The following CPNE8 variants were observed in gnomAD, a reference collection of about 807,000 sequenced individuals.
CPNE8 encodes the protein copine 8.
A neutral mutation model predicts 81.5 loss-of-function variants in CPNE8; 45 were observed. The observed-to-expected ratio is 0.55, with a 90% CI of 0.44 to 0.71. The LOEUF (loss-of-function observed/expected upper bound fraction) is 0.71. CPNE8 is among the 30% of genes least tolerant of loss of function. The probability of loss-of-function intolerance (pLI) is 0.00; values close to 1 mark genes in which losing one functional copy is unlikely to be tolerated. For missense variants in CPNE8, 594 were observed against 672.1 expected (o/e 0.88, Z 1.28); for synonymous variants, 252 against 226.3 (o/e 1.11, Z -1.02).
intron 13 of CPNE8, among the ~76,000 whole-genome samples, chr12:38,719,796 T>C (rs1233226378): frequency 6.6e-6 from 1 of 152,164 alleles, no homozygotes; most frequent in Non-Finnish European, 1.5e-5. Context: ...AATGTATAAC[T>C]GTAATATATT....
chr12:38,768,760 C>T (rs528024159), intron 7 of CPNE8, among the ~76,000 whole-genome samples: 2 of 152,140 alleles, frequency 1.3e-5, no homozygotes, highest in East Asian at 1.9e-4. Context: ...ATCTCCTGAC[C>T]TCGTGATCCG....
chr12:38,783,996 A>G (rs1436632588), intron 6 of CPNE8, among the ~76,000 whole-genome samples: 1 of 152,214 alleles, frequency 6.6e-6, no homozygotes, highest in Non-Finnish European at 1.5e-5. Context: ...CCATTAGGAA[A>G]ACATGACCTT....
chr12:38,858,018 G>C (rs1943772538), intron 3 of CPNE8, among the ~76,000 whole-genome samples: 1 of 152,198 alleles, frequency 6.6e-6, no homozygotes, highest in Non-Finnish European at 1.5e-5. Flanking sequence ...TTCTCTCTCT[G>C]AAATGTATAT....
intron 16 of CPNE8, among the ~76,000 whole-genome samples, chr12:38,681,809 T>C (rs1939414695): frequency 6.6e-6 from 1 of 152,254 alleles, no homozygotes; most frequent in Admixed American, 6.5e-5. Context: ...TTTATCTATG[T>C]CCATGTCTAT....
chr12:38,708,376 TA>T (rs138659020), intron 13 of CPNE8, among the ~76,000 whole-genome samples: 6 of 150,098 alleles, frequency 4.0e-5, no homozygotes, highest in African/African-American at 7.3e-5. Flanking sequence ...CGTGTCAAAG[TA>T]AAAAAAAAAT....
intron 6 of CPNE8, among the ~76,000 whole-genome samples, chr12:38,782,218 C>A (rs189777766): frequency 8.3e-4 from 126 of 152,132 alleles, no homozygotes; most frequent in Non-Finnish European, 1.3e-3. Flanking sequence ...TTCTAAAATA[C>A]AAAGTTTATT....
At chr12:38,730,462 T>C in intron 10 of CPNE8, 104 bp from the exon 11 acceptor site, 1 of 553,582 alleles carries the variant, frequency 1.8e-6, no homozygotes, top group Non-Finnish European at 3.2e-6. Context: ...AAATGCTTGA[T>C]ATTATTATGA....
At chr12:38,672,242 T>C (rs1939190911) in intron 18 of CPNE8, among the ~76,000 whole-genome samples, 1 of 152,186 alleles carries the variant, frequency 6.6e-6, no homozygotes. Flanking sequence ...TCTTCTACAA[T>C]CCCCATTGGT....
intron 6 of CPNE8, among the ~76,000 whole-genome samples, chr12:38,807,083 T>A (rs181463920): frequency 6.6e-6 from 1 of 152,088 alleles, no homozygotes; most frequent in South Asian, 2.1e-4. Flanking sequence ...TACAAACCAC[T>A]GCTTAAGGAA....
At position 38,719,584 on chromosome 12, in the gene CPNE8, G is replaced by GAAAA. The variant is rs34008352; in HGVS notation, c.914+4184_914+4187dup. Reference sequence around the variant, plus strand: ...GGCAACAGAGTTAAGATTGTCTCAGGAAAAAAAAAAAAAAAAAGAAAGAAA... The same window carrying GAAAA: ...GGCAACAGAGTTAAGATTGTCTCAGGAAAAAAAAAAAAAAAAAAAAAGAAAGAAA... On this transcript the variant is annotated intron_variant, in intron 13 of 19. Transcript: ENST00000331366. Among the ~76,000 whole-genome samples, 86 of 124,154 alleles carry GAAAA rather than the reference G, an allele frequency of 6.9e-4. 1 individual carries two copies. Among genetic ancestry groups the GAAAA allele is most frequent in the African/African-American group, 1.9e-3 (60 of 32,382 alleles). 81.4% of individuals were successfully genotyped at this position (124,154 alleles called of 152,430 possible). A position where few individuals can be genotyped will look rare whatever the true frequency, so the allele number is the denominator to read the frequency against.
intron 8 of CPNE8, among the ~76,000 whole-genome samples, chr12:38,767,017 GA>G (rs1175077458): frequency 6.6e-6 from 1 of 151,962 alleles, no homozygotes; most frequent in Non-Finnish European, 1.5e-5. Flanking sequence ...CTAGACAACA[GA>G]AATTAGCCAT....
At chr12:38,715,599 T>C (rs1002990269) in intron 13 of CPNE8, among the ~76,000 whole-genome samples, 4 of 152,030 alleles carry the variant, frequency 2.6e-5, no homozygotes, top group Non-Finnish European at 4.4e-5. Context: ...CATTGCTTTA[T>C]GATAAAAATC....
chr12:38,746,176 A>C (rs1941223808), intron 10 of CPNE8, among the ~76,000 whole-genome samples: 1 of 152,160 alleles, frequency 6.6e-6, no homozygotes, highest in African/African-American at 2.4e-5. Flanking sequence ...AGATATTCAA[A>C]ATATTCTTCA....
chr12:38,896,651 G>C (rs1372048001), intron 1 of CPNE8, among the ~76,000 whole-genome samples: 1 of 152,096 alleles, frequency 6.6e-6, no homozygotes, highest in East Asian at 1.9e-4. Flanking sequence ...AATCCCACAT[G>C]ACTGATTGTG....
chr12:38,799,806 T>C (rs910075025), intron 6 of CPNE8, among the ~76,000 whole-genome samples: 1 of 142,272 alleles, frequency 7.0e-6, no homozygotes, highest in African/African-American at 2.5e-5. Context: ...GCGCGCACCG[T>C]GCGCGAGCCG....
intron 14 of CPNE8, among the ~76,000 whole-genome samples, chr12:38,695,035 A>T (rs826878): frequency 0.44 from 66,129 of 151,954 alleles, 15,976 homozygotes; most frequent in Middle Eastern, 0.6. Context: ...CTGGCTCCAC[A>T]TAACAAAATC....
intron 3 of CPNE8, among the ~76,000 whole-genome samples, chr12:38,871,663 T>C (rs1565656358): frequency 1.3e-5 from 2 of 152,324 alleles, no homozygotes; most frequent in African/African-American, 4.8e-5. Flanking sequence ...AGAGAATTCA[T>C]AGCACTGGAT....
At chr12:38,710,282 A>AAAAAC (rs1555145925) in intron 13 of CPNE8, among the ~76,000 whole-genome samples, 1 of 149,472 alleles carries the variant, frequency 6.7e-6, no homozygotes, top group Non-Finnish European at 1.5e-5. Context: ...AAAAAAAAAA[A>AAAAAC]AAAAAACCAA....
chr12:38,858,230 G>T (rs543576462), intron 3 of CPNE8, among the ~76,000 whole-genome samples: 74 of 152,312 alleles, frequency 4.9e-4, no homozygotes, highest in African/African-American at 1.6e-3. Context: ...CAGGAAGTTT[G>T]TTTTTCCTCC....
Sources: gnomAD v4.1 joint callset for allele counts (sites outside exome capture counted in the v4.1 genomes callset) on GRCh38, gnomAD v4.1.1 for gene constraint, MANE v1.5 for transcripts, NCBI Gene and HGNC (gene_info 2026-07-23, HGNC 2026-07-21) for gene names.